HHIP: variants seen among roughly 807,000 people sequenced by gnomAD.
HHIP encodes hedgehog interacting protein.
Under a neutral mutation model 74.0 loss-of-function variants are expected in HHIP, and 12 were observed. The ratio of observed to expected loss-of-function variants is 0.16; its 90% CI spans 0.10 to 0.26. The LOEUF is 0.26. HHIP is among the 10% of genes least tolerant of loss of function. The probability of loss-of-function intolerance (pLI) is 1.00; values close to 1 mark genes in which losing one functional copy is unlikely to be tolerated. For synonymous variants in HHIP, 309 were observed against 311.6 expected (o/e 0.99, Z 0.09); for missense variants, 788 against 845.0 (o/e 0.93, Z 0.84).
intron 7 of HHIP, 126 bp downstream of exon 7, chr4:144,708,437 TA>T: frequency 1.2e-6 from 1 of 848,206 alleles, no homozygotes; most frequent in Non-Finnish European, 1.8e-6. Flanking sequence ...GCCATGCCTC[TA>T]AAGTCACAAC....
intron 4 of HHIP, among the ~76,000 whole-genome samples, chr4:144,675,933 A>G (rs1560701949): frequency 6.6e-6 from 1 of 152,210 alleles, no homozygotes; most frequent in Non-Finnish European, 1.5e-5. Flanking sequence ...GATCAACAAT[A>G]AGCAGTCATA....
At chr4:144,678,239 G>T (rs1354245812) in intron 4 of HHIP, among the ~76,000 whole-genome samples, 1 of 152,100 alleles carries the variant, frequency 6.6e-6, no homozygotes, top group Non-Finnish European at 1.5e-5. Context: ...TGCTTATATA[G>T]AGATTATGAA....
chr4:144,694,319 G>A (rs144717554), intron 4 of HHIP, among the ~76,000 whole-genome samples: 1 of 150,598 alleles, frequency 6.6e-6, no homozygotes, highest in African/African-American at 2.4e-5. Context: ...TTCCTTGGTG[G>A]TCTAAACTAT....
At chr4:144,684,359 C>G (rs1384725716) in intron 4 of HHIP, among the ~76,000 whole-genome samples, 2 of 142,814 alleles carry the variant, frequency 1.4e-5, no homozygotes, top group Non-Finnish European at 3.0e-5. Flanking sequence ...CCCGGGTTCA[C>G]GCCATTCTCC....
intron 11 of HHIP, among the ~76,000 whole-genome samples, chr4:144,729,962 C>G (rs957464379): frequency 1.3e-5 from 2 of 152,104 alleles, no homozygotes; most frequent in Admixed American, 6.6e-5. Flanking sequence ...AAGGGTAGTC[C>G]TCCTCAGACA....
At chr4:144,674,428 T>C (rs975204963) in intron 4 of HHIP, among the ~76,000 whole-genome samples, 3 of 152,230 alleles carry the variant, frequency 2.0e-5, no homozygotes, top group African/African-American at 7.2e-5. Flanking sequence ...TTAAGTCAAC[T>C]TCCTTGGCTG....
intron 7 of HHIP, among the ~76,000 whole-genome samples, chr4:144,708,838 G>T (rs79536529): frequency 0.026 from 3,944 of 152,292 alleles, 67 homozygotes; most frequent in Non-Finnish European, 0.038. Context: ...ATATGATGCT[G>T]CAGTGTTAAT....
intron 10 of HHIP, among the ~76,000 whole-genome samples, chr4:144,716,766 T>C (rs1210416018): frequency 7.2e-6 from 1 of 139,034 alleles, no homozygotes; most frequent in East Asian, 2.2e-4. Context: ...GGAGAATCAC[T>C]TGAACCCTGG....
chr4:144,700,876 A>G (rs1042850251), intron 4 of HHIP, among the ~76,000 whole-genome samples: 2 of 152,230 alleles, frequency 1.3e-5, no homozygotes, highest in African/African-American at 4.8e-5. Context: ...AATGAATACA[A>G]TCTGGTACTG....
intron 11 of HHIP, among the ~76,000 whole-genome samples, chr4:144,730,134 C>T (rs1024515885): frequency 2.0e-5 from 3 of 152,192 alleles, no homozygotes; most frequent in Admixed American, 2.0e-4. Context: ...GTCATCACCT[C>T]TAATGGATGT....
At chr4:144,735,817 A>C (rs1353591830) in intron 12 of HHIP, among the ~76,000 whole-genome samples, 4 of 152,256 alleles carry the variant, frequency 2.6e-5, no homozygotes, top group African/African-American at 9.6e-5. Context: ...ATTGCCTAAC[A>C]AAAAAACCAA....
rs1283687668 is a variant in HHIP, at chr4:144,737,990, G to A, written c.*33G>A. ...GACTGTTTGAATATTCTATTCCAAT[G>A]GGCATTTATTTTTTATCCTGTCATT... On this transcript the variant is annotated 3_prime_UTR_variant, in exon 13 of 13. Coordinates refer to ENST00000296575, the MANE Select transcript of HHIP (RefSeq NM_022475.3). 1.4e-6 allele frequency: 2 copies of A among 1,443,526 alleles called. No homozygotes were observed. Among genetic ancestry groups the A allele is most frequent in the Non-Finnish European group, 1.8e-6 (2 of 1,093,860 alleles). 89.4% of individuals were successfully genotyped at this position (1,443,526 alleles called of 1,614,324 possible). A position where few individuals can be genotyped will look rare whatever the true frequency, so the allele number is the denominator to read the frequency against.
intron 2 of HHIP, among the ~76,000 whole-genome samples, chr4:144,656,353 A>T (rs1282949578): frequency 6.6e-6 from 1 of 152,162 alleles, no homozygotes; most frequent in Admixed American, 6.5e-5. Context: ...TTAATTTGCT[A>T]AGCAGGCATT....
chr4:144,690,131 G>A (rs1396659334), intron 4 of HHIP, among the ~76,000 whole-genome samples: 3 of 152,122 alleles, frequency 2.0e-5, no homozygotes, highest in Non-Finnish European at 4.4e-5. Flanking sequence ...GGTATGTTTT[G>A]AAAGAGAAGA....
chr4:144,680,218 A>C (rs1231918958), intron 4 of HHIP, among the ~76,000 whole-genome samples: 1 of 152,078 alleles, frequency 6.6e-6, no homozygotes, highest in Non-Finnish European at 1.5e-5. Context: ...AAACATGCTT[A>C]TGTCCTCACT....
chr4:144,680,212 A>T (rs1395281235), intron 4 of HHIP, among the ~76,000 whole-genome samples: 2 of 152,160 alleles, frequency 1.3e-5, no homozygotes, highest in Non-Finnish European at 2.9e-5. Context: ...GACTAAAAAC[A>T]TGCTTATGTC....
At chr4:144,659,180 T>C (rs1728633195) in intron 3 of HHIP, among the ~76,000 whole-genome samples, 1 of 152,242 alleles carries the variant, frequency 6.6e-6, no homozygotes, top group African/African-American at 2.4e-5. Context: ...ATGTCAATTT[T>C]ATGGGTATAG....
At chr4:144,728,047 G>A (rs1730848400) in intron 11 of HHIP, among the ~76,000 whole-genome samples, 1 of 152,182 alleles carries the variant, frequency 6.6e-6, no homozygotes, top group African/African-American at 2.4e-5. Context: ...AAAAATGTAA[G>A]TGGCTTCATT....
chr4:144,654,805 C>CA (rs1323633112), intron 2 of HHIP: 1 of 152,162 alleles, frequency 6.6e-6, no homozygotes, highest in African/African-American at 2.4e-5. Context: ...CTCTGAAGTT[C>CA]AAAGTGTTGG....
Sources: allele counts gnomAD v4.1 joint callset (sites outside exome capture counted in the v4.1 genomes callset), GRCh38; gene constraint gnomAD v4.1.1; transcripts MANE v1.5; gene names NCBI Gene and HGNC (gene_info 2026-07-23, HGNC 2026-07-21).